Variants in ADA observed in about 807,000 individuals in gnomAD.
ADA encodes the protein adenosine aminohydrolase.
Under a neutral mutation model 49.0 loss-of-function variants are expected in ADA, and 45 were observed. That is an observed-to-expected ratio of 0.92 (90% CI 0.72 to 1.18). ADA has a LOEUF of 1.18. Ranked by LOEUF, ADA falls within the 50% of genes most tolerant of loss-of-function variation. The pLI, the probability that ADA is intolerant of heterozygous loss-of-function variation, is 0.00. For missense variants in ADA, 445 were observed against 472.5 expected, an observed-to-expected ratio of 0.94 and a Z score of 0.54; for synonymous variants, 173 against 184.2, an observed-to-expected ratio of 0.94 and a Z score of 0.49.
rs987848126 is a variant in ADA, at chr20:44,628,906, C to T, written c.218+141G>A. On this transcript the variant is annotated intron_variant, in intron 3 of 11. Coordinates refer to ENST00000372874, the MANE Select transcript of ADA (RefSeq NM_000022.4). ...CTGAGGCCTAAAGGCACTGGAGAGACTCACTAAGTGTACACAATGGTGAGA... is the reference window on the plus strand; with the variant it reads ...CTGAGGCCTAAAGGCACTGGAGAGATTCACTAAGTGTACACAATGGTGAGA... The T allele has an allele frequency of 1.4e-5, 19 of 1,343,422 alleles. No homozygotes were observed. The African/African-American group carries it at 1.7e-4, about 12-fold the overall frequency. The allele number at this position is 1,343,422 out of a possible 1,614,324, so 83.2% of individuals were successfully genotyped here. A position where few individuals can be genotyped will look rare whatever the true frequency, so the allele number is the denominator to read the frequency against.
intron 10 of ADA, 155 bp from the exon 11 acceptor site, chr20:44,620,556 GTAGAGACCATGA>G: frequency 1.4e-6 from 1 of 719,118 alleles, no homozygotes. Flanking sequence ...AAGTGCCAGA[GTAGAGACCATGA>G]GGTCGTGTTC....
Position 44,634,785 on chromosome 20 carries a change from G to T in ADA, c.95+1442C>A, listed in dbSNP as rs2065464852. On this transcript the variant is annotated intron_variant, in intron 2 of 11. Transcript: ENST00000372874. ...TTGGTGGAGATGCTCCCGAGAGTTG[G>T]GGGCAACCCCCCGGGATCCCTCATT... Among the ~76,000 whole-genome samples the T allele has an allele frequency of 2.0e-5, 3 of 152,364 alleles. No homozygotes were observed. In the South Asian group the frequency reaches 6.2e-4, roughly 32 times the overall value.
chr20:44,651,469 C>T, intron 1 of ADA, 106 bp downstream of exon 1: 6 of 1,132,202 alleles, frequency 5.3e-6, no homozygotes, highest in Non-Finnish European at 7.6e-6. Flanking sequence ...CCTGCAGGAG[C>T]CCCCGTTCGT....
intron 1 of ADA, among the ~76,000 whole-genome samples, chr20:44,646,733 T>C (rs1461636161): frequency 2.0e-5 from 3 of 152,036 alleles, no homozygotes; most frequent in African/African-American, 7.3e-5. Context: ...CCAGTACATC[T>C]GAAGCCCAGG....
At chr20:44,630,111 C>T (rs1014952889) in intron 2 of ADA, among the ~76,000 whole-genome samples, 1 of 151,830 alleles carries the variant, frequency 6.6e-6, no homozygotes, top group Admixed American at 6.6e-5. Flanking sequence ...GCCTCCCAGG[C>T]CAAGGTGCGA....
intron 3 of ADA, among the ~76,000 whole-genome samples, chr20:44,627,844 G>C (rs1472734752): frequency 2.0e-5 from 3 of 152,236 alleles, no homozygotes; most frequent in Non-Finnish European, 4.4e-5. Context: ...CTTATCTGCT[G>C]TGTGACCCCT....
chr20:44,631,770 C>T (rs770587790), intron 2 of ADA, among the ~76,000 whole-genome samples: 18 of 152,190 alleles, frequency 1.2e-4, no homozygotes, highest in Non-Finnish European at 2.5e-4. Context: ...TCCACAGCTT[C>T]TAATTCTCTA....
At chr20:44,647,569 T>C (rs2145360154) in intron 1 of ADA, among the ~76,000 whole-genome samples, 1 of 152,170 alleles carries the variant, frequency 6.6e-6, no homozygotes, top group Middle Eastern at 3.4e-3. Flanking sequence ...TTTCTTCATC[T>C]GTAAATGGGG....
At chr20:44,634,935 A>G (rs1474008705) in intron 2 of ADA, among the ~76,000 whole-genome samples, 3 of 152,270 alleles carry the variant, frequency 2.0e-5, no homozygotes, top group Non-Finnish European at 4.4e-5. Context: ...AGCTCCAAAC[A>G]AAATGAGTGT....
At chr20:44,627,795 C>T (rs530135737) in intron 3 of ADA, among the ~76,000 whole-genome samples, 4 of 152,260 alleles carry the variant, frequency 2.6e-5, no homozygotes, top group East Asian at 1.9e-4. Flanking sequence ...GTGGGAGACA[C>T]GTGGGATACA....
At chr20:44,647,645 C>T (rs2065604930) in intron 1 of ADA, among the ~76,000 whole-genome samples, 1 of 152,016 alleles carries the variant, frequency 6.6e-6, no homozygotes, top group Non-Finnish European at 1.5e-5. Flanking sequence ...TAGCCGGGCA[C>T]AGTGGCTCAC....
chr20:44,619,913 C>A, intron 11 of ADA, 66 bp from the exon 12 acceptor site: 1 of 1,599,328 alleles, frequency 6.3e-7, no homozygotes, highest in South Asian at 1.1e-5. Context: ...TTGTAAAAAT[C>A]ATAGAACACC....
chr20:44,641,373 G>C (rs575018074), intron 1 of ADA, among the ~76,000 whole-genome samples: 1 of 152,266 alleles, frequency 6.6e-6, no homozygotes, highest in South Asian at 2.1e-4. Flanking sequence ...ATGGGAATAA[G>C]GTAAGAAAGA....
At chr20:44,644,526 G>A (rs1375765710) in intron 1 of ADA, among the ~76,000 whole-genome samples, 3 of 152,192 alleles carry the variant, frequency 2.0e-5, no homozygotes, top group South Asian at 2.1e-4. Context: ...CCTGAGCACC[G>A]TGGCCAGAAC....
chr20:44,626,720 T>G, intron 3 of ADA, 121 bp from the exon 4 acceptor site: 1 of 1,262,376 alleles, frequency 7.9e-7, no homozygotes, highest in Non-Finnish European at 1.1e-6. Context: ...ACCCAAGCTC[T>G]GGGCATCCAC....
chr20:44,632,628 C>T (rs781451892), intron 2 of ADA, among the ~76,000 whole-genome samples: 1 of 152,214 alleles, frequency 6.6e-6, no homozygotes, highest in Non-Finnish European at 1.5e-5. Context: ...GGCCCTGGCA[C>T]CTCTTGCTGT....
At chr20:44,635,982 T>C (rs374253641) in intron 2 of ADA, 4 of 556,002 alleles carry the variant, frequency 7.2e-6, no homozygotes, top group East Asian at 6.1e-5. Context: ...GGCTCAGGCC[T>C]GGCTCACCTG....
chr20:44,634,356 T>A (rs1351976299), intron 2 of ADA, among the ~76,000 whole-genome samples: 1 of 152,216 alleles, frequency 6.6e-6, no homozygotes, highest in Non-Finnish European at 1.5e-5. Flanking sequence ...ATGGAGCACA[T>A]TAATGTGTGC....
intron 9 of ADA, among the ~76,000 whole-genome samples, chr20:44,621,459 C>T (rs1051055718): frequency 6.6e-6 from 1 of 152,062 alleles, no homozygotes; most frequent in African/African-American, 2.4e-5. Flanking sequence ...AAGCAACATC[C>T]CCCTCCGGCT....
Sources: allele counts gnomAD v4.1 joint callset (sites outside exome capture counted in the v4.1 genomes callset), GRCh38; gene constraint gnomAD v4.1.1; transcripts MANE v1.5; gene names NCBI Gene and HGNC (gene_info 2026-07-23, HGNC 2026-07-21).